PRKN: variants seen among roughly 807,000 people sequenced by gnomAD.
The protein encoded by PRKN is parkin RBR E3 ubiquitin protein ligase.
A neutral mutation model predicts 59.5 loss-of-function variants in PRKN; 56 were observed. The ratio of observed to expected loss-of-function variants is 0.94; its 90% CI spans 0.76 to 1.18. PRKN has a LOEUF of 1.18. Among genes scored for constraint, PRKN ranks in the 50% most tolerant of loss-of-function variants. The probability of loss-of-function intolerance (pLI) is 0.00; values close to 1 mark genes in which losing one functional copy is unlikely to be tolerated. For synonymous variants in PRKN, 250 were observed against 222.1 expected, an observed-to-expected ratio of 1.13 and a Z score of -1.12; for missense variants, 657 against 596.4, an observed-to-expected ratio of 1.10 and a Z score of -1.06.
chr6:162,658,658 C>CA lies in PRKN; in HGVS notation c.7+69003dup, dbSNP rs57853171. 7.1e-3 allele frequency among the ~76,000 whole-genome samples: 777 copies of CA among 109,040 alleles called. 8 individuals are homozygous for CA. The highest frequency in any genetic ancestry group is 9.3e-3 in the Non-Finnish European group (503 of 53,936). 71.5% of individuals were successfully genotyped at this position (109,040 alleles called of 152,430 possible). On this transcript the variant is annotated intron_variant, in intron 1 of 11. Coordinates refer to ENST00000366898, the MANE Select transcript of PRKN (RefSeq NM_004562.3). ...CCTGGGCGACAGAGTGAGACTCTGT[C>CA]AAAAAAAAAAAAAAAGAAAAAAAAA...
rs900039063 is a variant in PRKN at position 161,377,510 on chromosome 6, C to A, written c.1167+9284G>T. Among the ~76,000 whole-genome samples, 3 of 152,228 alleles carry A rather than the reference C, an allele frequency of 2.0e-5. No individual in the cohort carries two copies. Among genetic ancestry groups the A allele is most frequent in the African/African-American group, 7.2e-5 (3 of 41,470 alleles). On this transcript the variant is annotated intron_variant, in intron 10 of 11. Coordinates refer to ENST00000366898, the MANE Select transcript of PRKN (RefSeq NM_004562.3). The surrounding 1 kb of genome is among the most constrained non-coding windows in gnomAD (Gnocchi z 4.2). ...GCTGCAAGCCAAAAATGCACTGTCGCTATCCTGTAATCCTCTTTAGGGTTG... is the reference window on the plus strand; with the variant it reads ...GCTGCAAGCCAAAAATGCACTGTCGATATCCTGTAATCCTCTTTAGGGTTG...
In PRKN at chr6:161,548,692, G is replaced by C. The variant is rs902449526; in HGVS notation, c.1083+162C>G. On this transcript the variant is annotated intron_variant, in intron 9 of 11. Coordinates refer to ENST00000366898, the MANE Select transcript of PRKN (RefSeq NM_004562.3). This position sits in a 1 kb window ranked among gnomAD's most constrained non-coding sequence, Gnocchi z 4.2. ...ATAAATACATAAATTTTCAAATCTG[G>C]AGTCCTATAAAGGAATTTAAAATCT... 1.5e-6 allele frequency: 1 copy of C among 676,882 alleles called. No homozygotes were observed. Among genetic ancestry groups the C allele is most frequent in the Non-Finnish European group, 2.5e-6 (1 of 392,222 alleles). The allele number at this position is 676,882 out of a possible 1,614,324, so 41.9% of individuals were successfully genotyped here.
chr6:162,409,126 C>T (rs1471210044), intron 2 of PRKN, among the ~76,000 whole-genome samples: 1 of 151,918 alleles, frequency 6.6e-6, no homozygotes, highest in Non-Finnish European at 1.5e-5. Flanking sequence ...TCCATTCTTC[C>T]TTTCTTCTGG....
intron 2 of PRKN, among the ~76,000 whole-genome samples, chr6:162,403,453 T>C (rs1288963507): frequency 1.3e-5 from 2 of 152,198 alleles, no homozygotes; most frequent in Non-Finnish European, 2.9e-5. Context: ...GTTTTATTTT[T>C]ATCTACAGCA....
intron 7 of PRKN, among the ~76,000 whole-genome samples, chr6:161,699,890 T>C (rs1388653013): frequency 6.6e-6 from 1 of 152,128 alleles, no homozygotes; most frequent in East Asian, 1.9e-4. Context: ...AATTACATAA[T>C]CCTTTGTTTT....
chr6:161,894,995 T>TCA (rs1777558606), intron 6 of PRKN, among the ~76,000 whole-genome samples: 1 of 152,246 alleles, frequency 6.6e-6, no homozygotes, highest in Non-Finnish European at 1.5e-5. Context: ...AGATCTGACC[T>TCA]CACTCTGTTA....
chr6:162,174,310 C>T (rs926377198), intron 4 of PRKN, among the ~76,000 whole-genome samples: 17 of 152,076 alleles, frequency 1.1e-4, no homozygotes, highest in Admixed American at 8.5e-4. Context: ...TCCATCAGCA[C>T]GCAGGAAATA....
chr6:161,736,631 A>AAGTCCTT (rs1288702074), intron 7 of PRKN, among the ~76,000 whole-genome samples: 1 of 152,362 alleles, frequency 6.6e-6, no homozygotes, highest in East Asian at 1.9e-4. Flanking sequence ...CTTGTCTCTG[A>AAGTCCTT]AGTCCTTAGC....
At chr6:161,733,783 A>AAATATATATATATATATAT (rs35360887) in intron 7 of PRKN, among the ~76,000 whole-genome samples, 1 of 86,226 alleles carries the variant, frequency 1.2e-5, no homozygotes, top group Non-Finnish European at 1.9e-5. Flanking sequence ...AAAAAAAAAA[A>AAATATATATATATATATAT]ATATATATAT....
At chr6:162,039,779 G>A (rs886550775) in intron 5 of PRKN, among the ~76,000 whole-genome samples, 15 of 151,972 alleles carry the variant, frequency 9.9e-5, no homozygotes, top group Admixed American at 2.6e-4. Context: ...AAACTATGAC[G>A]TACACACACA....
chr6:162,149,871 G>T (rs778742306), intron 4 of PRKN, among the ~76,000 whole-genome samples: 6 of 152,122 alleles, frequency 3.9e-5, no homozygotes, highest in Non-Finnish European at 7.4e-5. Flanking sequence ...AGAACAGGGG[G>T]CCAGGATTCT....
At chr6:161,583,948 G>C (rs1204422404) in intron 7 of PRKN, among the ~76,000 whole-genome samples, 1 of 152,086 alleles carries the variant, frequency 6.6e-6, no homozygotes, top group East Asian at 1.9e-4. Flanking sequence ...ACTACCACCG[G>C]GTTAAAGTAT....
chr6:161,537,627 G>A (rs560345381), intron 9 of PRKN, among the ~76,000 whole-genome samples: 42 of 151,922 alleles, frequency 2.8e-4, no homozygotes, highest in Middle Eastern at 3.4e-3. Flanking sequence ...AATTTTTTGT[G>A]TTTTTAGTAG....
At chr6:162,069,363 C>T (rs1440807928) in intron 4 of PRKN, among the ~76,000 whole-genome samples, 1 of 152,118 alleles carries the variant, frequency 6.6e-6, no homozygotes, top group Non-Finnish European at 1.5e-5. Flanking sequence ...AACTGTAAGT[C>T]CAATTAAACC....
chr6:162,453,464 T>C (rs1012634049), intron 1 of PRKN, among the ~76,000 whole-genome samples: 1 of 152,282 alleles, frequency 6.6e-6, no homozygotes, highest in East Asian at 1.9e-4. Context: ...ATCTATATAA[T>C]AAGACGTGTA....
intron 6 of PRKN, among the ~76,000 whole-genome samples, chr6:161,892,212 T>C (rs750196116): frequency 6.6e-6 from 1 of 151,960 alleles, no homozygotes; most frequent in Non-Finnish European, 1.5e-5. Flanking sequence ...GGTGGGAGGA[T>C]CTCTTGAACC....
intron 1 of PRKN, among the ~76,000 whole-genome samples, chr6:162,544,312 C>T (rs1583767538): frequency 6.6e-6 from 1 of 152,118 alleles, no homozygotes; most frequent in African/African-American, 2.4e-5. Flanking sequence ...CACGAGCAAA[C>T]CTGGCTGCAA....
intron 4 of PRKN, among the ~76,000 whole-genome samples, chr6:162,116,137 T>C (rs1437236746): frequency 6.6e-6 from 1 of 152,212 alleles, no homozygotes; most frequent in Admixed American, 6.5e-5. Flanking sequence ...GGGGTATAGA[T>C]ATACAATCAT....
At chr6:161,861,782 G>C (rs1280780857) in intron 6 of PRKN, among the ~76,000 whole-genome samples, 1 of 152,104 alleles carries the variant, frequency 6.6e-6, no homozygotes, top group South Asian at 2.1e-4. Context: ...AAACCTGATA[G>C]TAATTGAAAA....
Sources: gnomAD v4.1 joint callset for allele counts (sites outside exome capture counted in the v4.1 genomes callset) on GRCh38, gnomAD v4.1.1 for gene constraint, Gnocchi (gnomAD v3.1) non-coding constraint, MANE v1.5 for transcripts, NCBI Gene and HGNC (gene_info 2026-07-23, HGNC 2026-07-21) for gene names.